CADPS2: variants seen among roughly 807,000 people sequenced by gnomAD.
The protein encoded by CADPS2 is calcium-dependent secretion activator 2.
In CADPS2, 93 loss-of-function variants were observed where a neutral mutation model predicts 172.5. The ratio of observed to expected loss-of-function variants is 0.54; its 90% CI spans 0.46 to 0.64. The LOEUF (loss-of-function observed/expected upper bound fraction) is 0.64. CADPS2 is among the 30% of genes least tolerant of loss of function. CADPS2 has a pLI of 0.00. For missense variants in CADPS2, 1,420 were observed against 1,565.9 expected (o/e 0.91, Z 1.57); for synonymous variants, 546 against 555.2 (o/e 0.98, Z 0.23).
chr7:122,485,813 G>C (rs1480394959), intron 11 of CADPS2, among the ~76,000 whole-genome samples: 2 of 152,146 alleles, frequency 1.3e-5, no homozygotes, highest in Non-Finnish European at 2.9e-5. Flanking sequence ...TCAGAGTACA[G>C]GCTCTCTTGT....
intron 3 of CADPS2, among the ~76,000 whole-genome samples, chr7:122,646,285 C>A (rs1387283699): frequency 3.3e-5 from 5 of 152,050 alleles, no homozygotes; most frequent in Non-Finnish European, 5.9e-5. Context: ...TATGGTACAA[C>A]AGTACAAGCA....
rs138553281 is a variant in CADPS2, at chr7:122,457,940, A to G, written c.2187-6465T>C. Reference sequence around the variant, plus strand: ...TTAAATTAATAAGACATTAAATTAAATTAAATGCTCCCCCACCCCATCTCC... The same window carrying G: ...TTAAATTAATAAGACATTAAATTAAGTTAAATGCTCCCCCACCCCATCTCC... On this transcript the variant is annotated intron_variant, in intron 14 of 29. Transcript: ENST00000449022. 2.7e-3 allele frequency among the ~76,000 whole-genome samples: 412 copies of G among 152,320 alleles called. 6 individuals are homozygous for G. Among genetic ancestry groups the G allele is most frequent in the East Asian group, 0.016 (83 of 5,184 alleles).
chr7:122,532,559 C>G (rs1313869413), intron 8 of CADPS2, among the ~76,000 whole-genome samples: 1 of 147,700 alleles, frequency 6.8e-6, no homozygotes, highest in Non-Finnish European at 1.5e-5. Flanking sequence ...CCGCCAACCC[C>G]ACAACCTCCC....
chr7:122,354,908 G>A (rs2039174189), intron 27 of CADPS2, among the ~76,000 whole-genome samples: 1 of 152,132 alleles, frequency 6.6e-6, no homozygotes, highest in Non-Finnish European at 1.5e-5. Context: ...AAACTATACT[G>A]AAGGACACAG....
chr7:122,799,431 CTACTAAAAA>C (rs1405901108), intron 1 of CADPS2, among the ~76,000 whole-genome samples: 1 of 151,658 alleles, frequency 6.6e-6, no homozygotes, highest in African/African-American at 2.4e-5. Flanking sequence ...AACCCCGTCT[CTACTAAAAA>C]TACAAAAACA....
intron 17 of CADPS2, among the ~76,000 whole-genome samples, chr7:122,429,480 CAA>C (rs1354183147): frequency 1.3e-5 from 2 of 151,770 alleles, no homozygotes; most frequent in Non-Finnish European, 2.9e-5. Flanking sequence ...TTAAAGCAAA[CAA>C]TTTGTATCTA....
chr7:122,427,210 G>A (rs1247121794), intron 17 of CADPS2: 1 of 151,848 alleles, frequency 6.6e-6, no homozygotes, highest in Non-Finnish European at 1.5e-5. Context: ...GTATTTTGAA[G>A]TATATAATTT....
At chr7:122,848,473 G>A (rs1048787677) in intron 1 of CADPS2, among the ~76,000 whole-genome samples, 2 of 152,178 alleles carry the variant, frequency 1.3e-5, no homozygotes, top group Admixed American at 6.5e-5. Context: ...CACAGTAGAG[G>A]AGCCAGGACC....
chr7:122,577,516 G>A (rs991993556), intron 7 of CADPS2, among the ~76,000 whole-genome samples: 1 of 152,116 alleles, frequency 6.6e-6, no homozygotes, highest in Non-Finnish European at 1.5e-5. Context: ...TTATTGAATA[G>A]TATTCCATTG....
intron 6 of CADPS2, among the ~76,000 whole-genome samples, chr7:122,597,554 C>T (rs1483453125): frequency 6.6e-6 from 1 of 152,090 alleles, no homozygotes; most frequent in Non-Finnish European, 1.5e-5. Flanking sequence ...ACGAATAAAA[C>T]ACCACATGAC....
chr7:122,701,879 G>T (rs765351873), intron 2 of CADPS2: 3 of 1,613,130 alleles, frequency 1.9e-6, no homozygotes, highest in South Asian at 2.2e-5. Context: ...TGTCCTATGG[G>T]CTAAAAGCCA....
At chr7:122,727,028 C>T (rs960141199) in intron 2 of CADPS2, among the ~76,000 whole-genome samples, 1 of 151,938 alleles carries the variant, frequency 6.6e-6, no homozygotes, top group East Asian at 1.9e-4. Context: ...AGCAGTGCCA[C>T]GGCTCAGAAT....
chr7:122,560,619 AC>A, intron 7 of CADPS2, among the ~76,000 whole-genome samples: 1 of 152,294 alleles, frequency 6.6e-6, no homozygotes, highest in South Asian at 2.1e-4. Context: ...CTGCTTACAA[AC>A]AGGTGTCCTT....
chr7:122,553,872 T>G (rs1385911633), intron 8 of CADPS2, among the ~76,000 whole-genome samples: 2 of 152,116 alleles, frequency 1.3e-5, no homozygotes, highest in Admixed American at 1.3e-4. Context: ...CCATAGTAAG[T>G]CCAAAGTGTT....
intron 3 of CADPS2, among the ~76,000 whole-genome samples, chr7:122,655,693 T>C (rs184453914): frequency 8.5e-5 from 13 of 152,266 alleles, no homozygotes; most frequent in Non-Finnish European, 4.4e-5. Flanking sequence ...CAAGGTATGC[T>C]TGCATAGCAT....
chr7:122,864,416 G>C (rs945331002), intron 1 of CADPS2, among the ~76,000 whole-genome samples: 3 of 152,032 alleles, frequency 2.0e-5, no homozygotes, highest in Admixed American at 6.6e-5. Context: ...GGAGGTCAAG[G>C]CTTCAGTAAG....
At chr7:122,826,849 C>G (rs1480735353) in intron 1 of CADPS2, among the ~76,000 whole-genome samples, 1 of 151,756 alleles carries the variant, frequency 6.6e-6, no homozygotes, top group Non-Finnish European at 1.5e-5. Context: ...AAAAAAATGT[C>G]TACAATAACC....
intron 1 of CADPS2, among the ~76,000 whole-genome samples, chr7:122,880,621 G>A (rs946102212): frequency 2.0e-5 from 3 of 152,096 alleles, no homozygotes; most frequent in African/African-American, 7.2e-5. Context: ...AATCAATTGG[G>A]AAGTTTTAAC....
chr7:122,706,628 G>GTATA (rs139124770), intron 2 of CADPS2, among the ~76,000 whole-genome samples: 19 of 145,498 alleles, frequency 1.3e-4, no homozygotes, highest in African/African-American at 4.3e-4. Flanking sequence ...GTGTGTGTGT[G>GTATA]TATATATATA....
Sources: gnomAD v4.1 joint callset for allele counts (sites outside exome capture counted in the v4.1 genomes callset) on GRCh38, gnomAD v4.1.1 for gene constraint, MANE v1.5 for transcripts, NCBI Gene and HGNC (gene_info 2026-07-23, HGNC 2026-07-21) for gene names.